Variants in CAMK4 observed in about 807,000 individuals in gnomAD.
CAMK4 encodes calcium/calmodulin-dependent protein kinase type IV.
Under a neutral mutation model 44.9 loss-of-function variants are expected in CAMK4, and 22 were observed. The ratio of observed to expected loss-of-function variants is 0.49; its 90% CI spans 0.35 to 0.70. CAMK4 has a LOEUF of 0.70. CAMK4 is among the 30% of genes least tolerant of loss of function. The pLI, the probability that CAMK4 is intolerant of heterozygous loss-of-function variation, is 0.01. For synonymous variants in CAMK4, 218 were observed against 215.4 expected (o/e 1.01, Z -0.11); for missense variants, 498 against 586.8 (o/e 0.85, Z 1.56).
chr5:111,265,358 T>C (rs1227396508), intron 1 of CAMK4, among the ~76,000 whole-genome samples: 2 of 152,238 alleles, frequency 1.3e-5, no homozygotes, highest in East Asian at 3.8e-4. Flanking sequence ...TGGCTGGCTA[T>C]TATCTTTATC....
At chr5:111,329,705 T>G (rs1208954485) in intron 1 of CAMK4, among the ~76,000 whole-genome samples, 1 of 151,758 alleles carries the variant, frequency 6.6e-6, no homozygotes, top group African/African-American at 2.4e-5. Context: ...AGTAGCCACA[T>G]TTAGATATTA....
At chr5:111,332,057 C>G (rs1749188873) in intron 1 of CAMK4, among the ~76,000 whole-genome samples, 1 of 151,398 alleles carries the variant, frequency 6.6e-6, no homozygotes, top group Non-Finnish European at 1.5e-5. Context: ...TTGCTCACAC[C>G]CACACAATTT....
At chr5:111,388,656 C>T (rs1278882505) in intron 4 of CAMK4, among the ~76,000 whole-genome samples, 1 of 152,180 alleles carries the variant, frequency 6.6e-6, no homozygotes, top group Non-Finnish European at 1.5e-5. Flanking sequence ...ATTTAGCACA[C>T]TGTGTTGAAT....
At chr5:111,292,937 A>G (rs1012138757) in intron 1 of CAMK4, among the ~76,000 whole-genome samples, 37 of 152,162 alleles carry the variant, frequency 2.4e-4, no homozygotes, top group African/African-American at 8.4e-4. Context: ...AAATATATAT[A>G]TTTGAAGTAT....
At chr5:111,384,969 T>C (rs980596326) in intron 4 of CAMK4, among the ~76,000 whole-genome samples, 2 of 152,160 alleles carry the variant, frequency 1.3e-5, no homozygotes, top group Non-Finnish European at 2.9e-5. Context: ...CCCACCAATG[T>C]ATTAACCACT....
In CAMK4 at chr5:111,257,330, G is replaced by A. The variant is rs565956785; in HGVS notation, c.161+32686G>A. Among the ~76,000 whole-genome samples, 68 of 152,306 alleles carry A rather than the reference G, an allele frequency of 4.5e-4. 1 individual carries two copies. The highest frequency in any genetic ancestry group is 1.5e-3 in the African/African-American group (61 of 41,576). ...GAAAAAAACAACCCCATTAAAAAGT[G>A]GGCGAAGGACATGAACAGACACTTC... On this transcript the variant is annotated intron_variant, in intron 1 of 10. Coordinates refer to ENST00000282356, the MANE Select transcript of CAMK4 (RefSeq NM_001744.6).
In CAMK4 at chr5:111,355,029, T is replaced by C. The variant is rs115388461; in HGVS notation, c.240+10927T>C. Among the ~76,000 whole-genome samples the C allele has an allele frequency of 1.0e-3, 158 of 152,266 alleles. 1 individual carries two copies. The highest frequency in any genetic ancestry group is 3.5e-3 in the African/African-American group (146 of 41,580). On this transcript the variant is annotated intron_variant, in intron 2 of 10. Coordinates refer to ENST00000282356, the MANE Select transcript of CAMK4 (RefSeq NM_001744.6). ...ATTGTATGCTGCTATTGGCCACTTTTAACTTCTTACTGATGTGCTCTGGAA... is the reference window on the plus strand; with the variant it reads ...ATTGTATGCTGCTATTGGCCACTTTCAACTTCTTACTGATGTGCTCTGGAA...
intron 1 of CAMK4, among the ~76,000 whole-genome samples, chr5:111,335,407 TC>T (rs1647620198): frequency 6.6e-6 from 1 of 151,436 alleles, no homozygotes; most frequent in African/African-American, 2.4e-5. Context: ...GGTATCTGTC[TC>T]TCAGCTAGTG....
At chr5:111,386,566 A>G (rs762625908) in intron 4 of CAMK4, among the ~76,000 whole-genome samples, 8 of 152,212 alleles carry the variant, frequency 5.3e-5, no homozygotes, top group African/African-American at 1.7e-4. Context: ...GCTCAATTCA[A>G]TTTGTGGCAA....
In CAMK4 at chr5:111,486,500, AACACACACACACACACACAC is replaced by A. The variant is rs59808544; in HGVS notation, c.*2057_*2076del. 21 of 103,654 alleles carry A rather than the reference AACACACACACACACACACAC, an allele frequency of 2.0e-4. No homozygotes were observed. The highest frequency in any genetic ancestry group is 4.0e-4 in the Admixed American group (4 of 9,914). 6.4% of individuals were successfully genotyped at this position (103,654 alleles called of 1,614,324 possible). A position where few individuals can be genotyped will look rare whatever the true frequency, so the allele number is the denominator to read the frequency against. On this transcript the variant is annotated 3_prime_UTR_variant, in exon 11 of 11. Transcript: ENST00000282356. The stretch of plus-strand genomic sequence containing the variant: ...GTTGTACTTTTTACCATGAGACTGA[AACACACACACACACACACAC>A]ACACACACACACACACACACACGTG...
At chr5:111,266,943 A>G (rs1331917881) in intron 1 of CAMK4, among the ~76,000 whole-genome samples, 2 of 151,972 alleles carry the variant, frequency 1.3e-5, no homozygotes, top group Non-Finnish European at 2.9e-5. Context: ...CTCTCAGTCG[A>G]TTTCTTCTCT....
At chr5:111,344,396 TTA>T (rs5870441) in intron 2 of CAMK4, among the ~76,000 whole-genome samples, 130,984 of 149,678 alleles carry the variant, frequency 0.88, 57,413 homozygotes, top group East Asian at 1. Context: ...CTTGGAGATT[TTA>T]TATATATATA....
chr5:111,482,485 T>C lies in CAMK4; in HGVS notation c.829-300T>C. 1 of 223,542 alleles carries C rather than the reference T, an allele frequency of 4.5e-6. No homozygotes were observed. Among genetic ancestry groups the C allele is most frequent in the Non-Finnish European group, 8.7e-6 (1 of 115,464 alleles). 13.8% of individuals were successfully genotyped at this position (223,542 alleles called of 1,614,324 possible). On this transcript the variant is annotated intron_variant, in intron 9 of 10. Transcript: ENST00000282356. This position sits in a 1 kb window ranked among gnomAD's most constrained non-coding sequence, Gnocchi z 4.9. Reference sequence around the variant, plus strand: ...CCAGAATTATTTTGCTGGTTCTGCCTTCAAAGAACTTCCAGTCCACAGGCA... The same window carrying C: ...CCAGAATTATTTTGCTGGTTCTGCCCTCAAAGAACTTCCAGTCCACAGGCA...
intron 8 of CAMK4, among the ~76,000 whole-genome samples, chr5:111,475,036 G>C (rs1015326225): frequency 2.6e-5 from 4 of 152,254 alleles, no homozygotes; most frequent in Non-Finnish European, 5.9e-5. Flanking sequence ...GGTAGTGGGC[G>C]CCTGTAGTCC....
At chr5:111,338,194 A>G (rs1004239926) in intron 1 of CAMK4, among the ~76,000 whole-genome samples, 1 of 151,256 alleles carries the variant, frequency 6.6e-6, no homozygotes, top group Non-Finnish European at 1.5e-5. Flanking sequence ...ATCAAGCTAA[A>G]TAACATATGA....
chr5:111,224,408 C>G lies in CAMK4; in HGVS notation c.-76C>G. On this transcript the variant is annotated 5_prime_UTR_variant, in exon 1 of 11. Transcript: ENST00000282356. This position sits in a 1 kb window ranked among gnomAD's most constrained non-coding sequence, Gnocchi z 5.7. ...TCTCTCTCGCTCCTGCGTTCGCAGG[C>G]GGCGGCTGGCGGCCGGCTTCTCGCT... 6.8e-7 allele frequency: 1 copy of G among 1,480,288 alleles called. No individual in the cohort carries two copies. Among genetic ancestry groups the G allele is most frequent in the South Asian group, 1.3e-5 (1 of 74,700 alleles). The allele number at this position is 1,480,288 out of a possible 1,614,324, so 91.7% of individuals were successfully genotyped here. A position where few individuals can be genotyped will look rare whatever the true frequency, so the allele number is the denominator to read the frequency against.
In CAMK4 at chr5:111,281,991, G is replaced by A. The variant is rs547534314; in HGVS notation, c.161+57347G>A. Among the ~76,000 whole-genome samples the A allele has an allele frequency of 2.8e-3, 430 of 151,912 alleles. 4 individuals carry two copies. The highest frequency in any genetic ancestry group is 9.6e-3 in the African/African-American group (398 of 41,412). ...GAGAATGGCGTGAACCCCAGGGGGC[G>A]GAGGCTGCAGTGAGCCGAGATTGCG... On this transcript the variant is annotated intron_variant, in intron 1 of 10. Coordinates refer to ENST00000282356, the MANE Select transcript of CAMK4 (RefSeq NM_001744.6).
intron 5 of CAMK4, among the ~76,000 whole-genome samples, chr5:111,415,535 A>G (rs577712647): frequency 6.6e-6 from 1 of 152,238 alleles, no homozygotes; most frequent in Non-Finnish European, 1.5e-5. Flanking sequence ...CAGTAAAAAT[A>G]TGTTCTAGCC....
At chr5:111,412,551 T>G (rs1291837046) in intron 5 of CAMK4, among the ~76,000 whole-genome samples, 1 of 152,204 alleles carries the variant, frequency 6.6e-6, no homozygotes, top group African/African-American at 2.4e-5. Context: ...AGAGCAAGTG[T>G]CTACAGGGAA....
Sources: allele counts gnomAD v4.1 joint callset (sites outside exome capture counted in the v4.1 genomes callset), GRCh38; gene constraint gnomAD v4.1.1; non-coding constraint Gnocchi (gnomAD v3.1); transcripts MANE v1.5; gene names NCBI Gene and HGNC (gene_info 2026-07-23, HGNC 2026-07-21).